Variants in CAMTA1 observed in about 807,000 individuals in gnomAD.
CAMTA1 encodes calmodulin-binding transcription activator 1.
Under a neutral mutation model 170.9 loss-of-function variants are expected in CAMTA1, and 27 were observed. That is an observed-to-expected ratio of 0.16 (90% CI 0.12 to 0.22). The LOEUF (loss-of-function observed/expected upper bound fraction) is 0.22. Ranked by LOEUF, CAMTA1 falls within the 10% of genes least tolerant of loss-of-function variation. CAMTA1 has a pLI of 1.00. For missense variants in CAMTA1, 1,619 were observed against 2,217.2 expected (o/e 0.73, Z 5.42); for synonymous variants, 833 against 891.5 (o/e 0.93, Z 1.17).
At chr1:7,418,262 C>A (rs2091330860) in intron 5 of CAMTA1, among the ~76,000 whole-genome samples, 1 of 152,204 alleles carries the variant, frequency 6.6e-6, no homozygotes, top group Non-Finnish European at 1.5e-5. Flanking sequence ...GTGGTGCAAT[C>A]TCGGCTCACT....
At chr1:7,174,039 C>T (rs1445182624) in intron 4 of CAMTA1, among the ~76,000 whole-genome samples, 2 of 152,156 alleles carry the variant, frequency 1.3e-5, no homozygotes, top group Admixed American at 6.5e-5. Context: ...GACTGTCAAG[C>T]CCTCTAATCA....
chr1:7,347,020 TGGGGACAGCCTCTGA>T (rs1223399186), intron 5 of CAMTA1, among the ~76,000 whole-genome samples: 1 of 152,220 alleles, frequency 6.6e-6, no homozygotes, highest in Admixed American at 6.5e-5. Flanking sequence ...CTCAGCCGTT[TGGGGACAGCCTCTGA>T]AAGAGCCAAA....
chr1:7,338,116 T>C (rs982281171), intron 5 of CAMTA1, among the ~76,000 whole-genome samples: 2 of 152,062 alleles, frequency 1.3e-5, no homozygotes, highest in Non-Finnish European at 2.9e-5. Flanking sequence ...CCCTGACTCT[T>C]ACAGAGATGG....
intron 5 of CAMTA1, among the ~76,000 whole-genome samples, chr1:7,421,293 C>T (rs1196773950): frequency 6.6e-6 from 1 of 152,024 alleles, no homozygotes; most frequent in Non-Finnish European, 1.5e-5. Flanking sequence ...GCTGGGATTA[C>T]AGGCGCCCGC....
rs566125743 is a variant in CAMTA1, at chr1:7,200,503, A to G, written c.303-48988A>G. Among the ~76,000 whole-genome samples, 8 of 152,292 alleles carry G rather than the reference A, an allele frequency of 5.3e-5. No homozygotes were observed. In the South Asian group the frequency reaches 1.0e-3, roughly 20 times the overall value. ...GATTCAATCTGGGATCATGGGGCGC[A>G]TTTAGTTCCAGTTTCTTAATCTGGA... On this transcript the variant is annotated intron_variant, in intron 4 of 22. Transcript: ENST00000303635.
Position 7,014,440 on chromosome 1 carries a change from C to T in CAMTA1, c.235-76864C>T, listed in dbSNP as rs899159250. The stretch of plus-strand genomic sequence containing the variant: ...GGCTCCTTCTTCCTGGGGATCCCAG[C>T]GCCCACTACAAAGGTGAACTCCTTT... On this transcript the variant is annotated intron_variant, in intron 3 of 22. Transcript: ENST00000303635. The surrounding 1 kb of genome is among the most constrained non-coding windows in gnomAD (Gnocchi z 4.2). Among the ~76,000 whole-genome samples the T allele has an allele frequency of 4.6e-5, 7 of 152,176 alleles. No individual in the cohort carries two copies. The highest frequency in any genetic ancestry group is 1.3e-4 in the Admixed American group (2 of 15,270).
chr1:7,467,088 A>G (rs995974382), intron 5 of CAMTA1, among the ~76,000 whole-genome samples: 8 of 151,850 alleles, frequency 5.3e-5, no homozygotes, highest in African/African-American at 1.9e-4. Flanking sequence ...CCACTGGTCA[A>G]CTCTGCTCAC....
chr1:6,875,170 C>G (rs1266702185), intron 3 of CAMTA1, among the ~76,000 whole-genome samples: 1 of 152,206 alleles, frequency 6.6e-6, no homozygotes, highest in Non-Finnish European at 1.5e-5. Flanking sequence ...CCATTCATAT[C>G]ACAGCACTGC....
chr1:7,335,851 G>A (rs144997887), intron 5 of CAMTA1, among the ~76,000 whole-genome samples: 5 of 152,008 alleles, frequency 3.3e-5, no homozygotes, highest in Non-Finnish European at 5.9e-5. Flanking sequence ...TGTGTACTAA[G>A]TAAAATGTGG....
chr1:6,971,505 A>C lies in CAMTA1; in HGVS notation c.235-119799A>C, dbSNP rs549074873. Among the ~76,000 whole-genome samples, 2 of 152,184 alleles carry C rather than the reference A, an allele frequency of 1.3e-5. No individual in the cohort carries two copies. The highest frequency in any genetic ancestry group is 4.1e-4 in the South Asian group (2 of 4,822). Reference sequence around the variant, plus strand: ...TTTTGTTTTTACCACCCCCACCCTCACTACTAATTTTACGTTGTCTTTGGA... The same window carrying C: ...TTTTGTTTTTACCACCCCCACCCTCCCTACTAATTTTACGTTGTCTTTGGA... On this transcript the variant is annotated intron_variant, in intron 3 of 22. Coordinates refer to ENST00000303635, the MANE Select transcript of CAMTA1 (RefSeq NM_015215.4). This position sits in a 1 kb window ranked among gnomAD's most constrained non-coding sequence, Gnocchi z 4.6.
chr1:7,087,394 G>A (rs2148091195), intron 3 of CAMTA1, among the ~76,000 whole-genome samples: 1 of 152,312 alleles, frequency 6.6e-6, no homozygotes, highest in Admixed American at 6.5e-5. Flanking sequence ...GATCCTGCTG[G>A]AAGGAGAGAA....
chr1:7,020,164 T>C (rs1701140372), intron 3 of CAMTA1, among the ~76,000 whole-genome samples: 2 of 152,254 alleles, frequency 1.3e-5, no homozygotes, highest in African/African-American at 2.4e-5. Context: ...TGGAGCCAAT[T>C]AGGGCTAAAA....
chr1:7,745,252 G>A (rs1000051032), intron 17 of CAMTA1, among the ~76,000 whole-genome samples: 1 of 152,082 alleles, frequency 6.6e-6, no homozygotes, highest in East Asian at 1.9e-4. Flanking sequence ...TAAGCTGGGC[G>A]CGGTGGCTCA....
rs548718353 is a variant in CAMTA1, at chr1:7,300,452, G to A, written c.438+50826G>A. Among the ~76,000 whole-genome samples, 14 of 152,310 alleles carry A rather than the reference G, an allele frequency of 9.2e-5. No homozygotes were observed. Among genetic ancestry groups the A allele is most frequent in the African/African-American group, 2.6e-4 (11 of 41,566 alleles). On this transcript the variant is annotated intron_variant, in intron 5 of 22. Coordinates refer to ENST00000303635, the MANE Select transcript of CAMTA1 (RefSeq NM_015215.4). The surrounding 1 kb of genome is among the most constrained non-coding windows in gnomAD (Gnocchi z 4.1). ...CATACTTTGGGAGGCCAAGGCAGGC[G>A]GATCACCTGAGGTCAGGAGTTCGAG...
chr1:7,116,604 C>T (rs1355764562), intron 4 of CAMTA1, among the ~76,000 whole-genome samples: 4 of 152,074 alleles, frequency 2.6e-5, no homozygotes, highest in Non-Finnish European at 5.9e-5. Context: ...CCTTAAGCAA[C>T]TCACTTTGAG....
chr1:7,512,931 G>T (rs1206520988), intron 6 of CAMTA1, among the ~76,000 whole-genome samples: 1 of 152,186 alleles, frequency 6.6e-6, no homozygotes, highest in Admixed American at 6.5e-5. Flanking sequence ...CAAAATGGCA[G>T]AAGAAAAGGT....
At chr1:7,467,808 C>G in intron 5 of CAMTA1, 22 bp from the exon 6 acceptor site, 1 of 1,598,814 alleles carries the variant, frequency 6.3e-7, no homozygotes, top group Non-Finnish European at 8.6e-7. Context: ...CAACTGAATT[C>G]TCGTTTTTCC....
intron 4 of CAMTA1, among the ~76,000 whole-genome samples, chr1:7,218,972 A>C (rs1660242128): frequency 6.6e-6 from 1 of 152,178 alleles, no homozygotes; most frequent in South Asian, 2.1e-4. Context: ...GAAGTCCCTT[A>C]CGTGGCATTT....
At chr1:7,025,115 A>G (rs1311742093) in intron 3 of CAMTA1, among the ~76,000 whole-genome samples, 2 of 152,082 alleles carry the variant, frequency 1.3e-5, no homozygotes, top group Non-Finnish European at 2.9e-5. Context: ...TCCTGCACAA[A>G]ACTGTAAAGC....
Sources: gnomAD v4.1 joint callset for allele counts (sites outside exome capture counted in the v4.1 genomes callset) on GRCh38, gnomAD v4.1.1 for gene constraint, Gnocchi (gnomAD v3.1) non-coding constraint, MANE v1.5 for transcripts, NCBI Gene and HGNC (gene_info 2026-07-23, HGNC 2026-07-21) for gene names.